The following TAOK1 variants were observed in gnomAD, a reference collection of about 807,000 sequenced individuals.
The protein encoded by TAOK1 is TAO kinase 1.
Under a neutral mutation model 138.3 loss-of-function variants are expected in TAOK1, and 21 were observed. The observed-to-expected ratio is 0.15, with a 90% CI of 0.11 to 0.22. The LOEUF is 0.22. Among genes scored for constraint, TAOK1 ranks in the 10% least tolerant of loss-of-function variants. The pLI is 1.00. For synonymous variants in TAOK1, 361 were observed against 398.4 expected (o/e 0.91, Z 1.12); for missense variants, 651 against 1,227.7 (o/e 0.53, Z 7.02).
rs566414855 is a variant in TAOK1, at chr17:29,478,771, T to C, written c.449+424T>C. ...AGAACTAAATCTAGATCTTTTGTCTTCTTGGTAACTGATAATGACATATTT... is the reference window on the plus strand; with the variant it reads ...AGAACTAAATCTAGATCTTTTGTCTCCTTGGTAACTGATAATGACATATTT... On this transcript the variant is annotated intron_variant, in intron 6 of 19. Transcript: ENST00000261716. Among the ~76,000 whole-genome samples, 5 of 152,290 alleles carry C rather than the reference T, an allele frequency of 3.3e-5. No individual in the cohort carries two copies. In the South Asian group the frequency reaches 1.0e-3, roughly 32 times the overall value.
chr17:29,424,443 A>AT (rs2153022062), intron 1 of TAOK1, among the ~76,000 whole-genome samples: 1 of 147,742 alleles, frequency 6.8e-6, no homozygotes, highest in South Asian at 2.1e-4. Flanking sequence ...TCTCAAAAAA[A>AT]AAAAAAAAAA....
intron 16 of TAOK1, among the ~76,000 whole-genome samples, chr17:29,518,750 C>CTTTTATTTTTTTTA (rs11271070): frequency 3.2e-4 from 48 of 150,500 alleles, no homozygotes; most frequent in African/African-American, 1.1e-3. Context: ...TTTATTTTTA[C>CTTTTATTTTTTTTA]TTTATCTATT....
intron 1 of TAOK1, among the ~76,000 whole-genome samples, chr17:29,415,326 T>C (rs967994108): frequency 2.6e-5 from 4 of 152,218 alleles, no homozygotes; most frequent in Non-Finnish European, 5.9e-5. Context: ...TGTACATTAA[T>C]ATGTACTGTT....
At position 29,545,113 on chromosome 17, in the gene TAOK1, T is replaced by C. The variant is rs913181369; in HGVS notation, c.*2091T>C. 2.6e-5 allele frequency: 4 copies of C among 152,212 alleles called. No homozygotes were observed. Among genetic ancestry groups the C allele is most frequent in the Non-Finnish European group, 4.4e-5 (3 of 68,026 alleles). The allele number at this position is 152,212 out of a possible 1,614,324, so 9.4% of individuals were successfully genotyped here. ...GGCAGTGTTTCAAGAAGCACTCTTA[T>C]GTGTTGTTCTTTCAGCCCATGCTCC... On this transcript the variant is annotated 3_prime_UTR_variant, in exon 20 of 20. Coordinates refer to ENST00000261716, the MANE Select transcript of TAOK1 (RefSeq NM_020791.4).
At chr17:29,444,656 A>G (rs1295773350) in intron 1 of TAOK1, among the ~76,000 whole-genome samples, 1 of 152,134 alleles carries the variant, frequency 6.6e-6, no homozygotes, top group Non-Finnish European at 1.5e-5. Flanking sequence ...TTGCCTTTTC[A>G]TATACAGGCT....
chr17:29,538,444 A>G (rs567065936), intron 19 of TAOK1, among the ~76,000 whole-genome samples: 2 of 152,320 alleles, frequency 1.3e-5, no homozygotes, highest in African/African-American at 2.4e-5. Context: ...TTTTATGGCT[A>G]ATATTTTGCC....
intron 16 of TAOK1, among the ~76,000 whole-genome samples, chr17:29,518,411 G>A (rs927485232): frequency 6.6e-6 from 1 of 152,240 alleles, no homozygotes; most frequent in Non-Finnish European, 1.5e-5. Context: ...CCTGAGCCCA[G>A]GAGGTTGAGG....
intron 11 of TAOK1, among the ~76,000 whole-genome samples, chr17:29,496,212 T>C (rs916336032): frequency 2.0e-5 from 3 of 151,740 alleles, no homozygotes; most frequent in African/African-American, 4.8e-5. Context: ...GCGATTCTCC[T>C]GCCTCAGCCT....
intron 1 of TAOK1, among the ~76,000 whole-genome samples, chr17:29,446,443 G>A (rs1221543074): frequency 2.0e-5 from 3 of 151,978 alleles, no homozygotes; most frequent in African/African-American, 4.8e-5. Context: ...GGGTTTCACC[G>A]TGTTAGCCAG....
intron 15 of TAOK1, among the ~76,000 whole-genome samples, chr17:29,516,623 TC>T (rs1374423425): frequency 2.7e-5 from 4 of 150,668 alleles, no homozygotes; most frequent in Admixed American, 6.7e-5. Context: ...TGCCTCACCC[TC>T]CCAAGTAGCT....
At chr17:29,517,222 T>C (rs954329790) in intron 15 of TAOK1, among the ~76,000 whole-genome samples, 1 of 151,448 alleles carries the variant, frequency 6.6e-6, no homozygotes, top group African/African-American at 2.4e-5. Context: ...TCTCCTGACC[T>C]CATGATCTGC....
chr17:29,503,721 T>G (rs939007444), intron 13 of TAOK1, among the ~76,000 whole-genome samples: 2 of 152,186 alleles, frequency 1.3e-5, no homozygotes, highest in African/African-American at 4.8e-5. Context: ...ATGCCTGTAA[T>G]TGTAGCACTT....
At position 29,542,612 on chromosome 17, in the gene TAOK1, A is replaced by G. The variant is rs571102605; in HGVS notation, c.2596A>G (p.Ser866Gly). 1.2e-6 allele frequency: 2 copies of G among 1,614,192 alleles called. No individual in the cohort carries two copies. Among genetic ancestry groups the G allele is most frequent in the Admixed American group, 3.3e-5 (2 of 60,012 alleles). ...GAATGAGCGCACAGAACGAATACGA[A>G]GCCTGTTGGAACGTCAAGCCAGAGA... ...LQNERTERIR[S>G]LLERQAREIE... The change falls in exon 20 of 20, where the codon AGC becomes GGC. Residue 866 changes from serine to glycine, a missense_variant. Physicochemically the swap from Ser to Gly is moderately conservative, Grantham distance 56. Around this residue, in one of 8 missense-constraint regions of TAOK1, gnomAD observed 258 missense variants for 548.9 expected, o/e 0.47. Transcript: ENST00000261716.
At chr17:29,397,625 T>TTC (rs1358184934) in intron 1 of TAOK1, among the ~76,000 whole-genome samples, 97 of 62,472 alleles carry the variant, frequency 1.6e-3, no homozygotes, top group Non-Finnish European at 2.3e-3. Context: ...TATATATATA[T>TTC]ATATACATGT....
intron 15 of TAOK1, chr17:29,512,230 A>C (rs1207042438): frequency 6.9e-6 from 1 of 143,992 alleles, no homozygotes; most frequent in Admixed American, 7.0e-5. Context: ...TAATTTGTAT[A>C]TATTTTTTTA....
chr17:29,433,642 A>G (rs6505133), intron 1 of TAOK1, among the ~76,000 whole-genome samples: 64,140 of 151,760 alleles, frequency 0.42, 14,710 homozygotes, highest in East Asian at 0.88. Flanking sequence ...CCACAAGGCC[A>G]GAGTCTCCTG....
At chr17:29,393,012 G>A (rs1378895821) in intron 1 of TAOK1, among the ~76,000 whole-genome samples, 1 of 151,882 alleles carries the variant, frequency 6.6e-6, no homozygotes, top group African/African-American at 2.4e-5. Context: ...CTCAGAAGAT[G>A]GAATTCTCTT....
chr17:29,465,086 G>T (rs139564039), intron 2 of TAOK1, among the ~76,000 whole-genome samples: 1,561 of 146,434 alleles, frequency 0.011, 34 homozygotes, highest in African/African-American at 0.038. Flanking sequence ...CTCCCAAAGT[G>T]CTGGGATTAT....
At chr17:29,527,701 C>T (rs193151756) in intron 17 of TAOK1, among the ~76,000 whole-genome samples, 1 of 152,292 alleles carries the variant, frequency 6.6e-6, no homozygotes, top group Non-Finnish European at 1.5e-5. Context: ...CAGCCAATAC[C>T]TGGCAGTATT....
Sources: allele counts gnomAD v4.1 joint callset (sites outside exome capture counted in the v4.1 genomes callset), GRCh38; gene constraint gnomAD v4.1.1; regional missense constraint gnomAD v4.1.1; transcripts MANE v1.5; gene names NCBI Gene and HGNC (gene_info 2026-07-23, HGNC 2026-07-21).